The following PAX5 variants were observed in gnomAD, a reference collection of about 807,000 sequenced individuals.
PAX5 encodes the protein paired box 5, also known as paired box protein Pax-5.
In PAX5, 9 loss-of-function variants were observed where a neutral mutation model predicts 43.7. The ratio of observed to expected loss-of-function variants is 0.21; its 90% CI spans 0.12 to 0.36. The LOEUF (loss-of-function observed/expected upper bound fraction) is 0.36. Among genes scored for constraint, PAX5 ranks in the 10% least tolerant of loss-of-function variants. The pLI is 1.00. For missense variants in PAX5, 383 were observed against 532.7 expected (o/e 0.72, Z 2.77); for synonymous variants, 228 against 214.3 (o/e 1.06, Z -0.56).
chr9:36,979,019 C>T lies in PAX5; in HGVS notation c.605-12295G>A, dbSNP rs982684014. On this transcript the variant is annotated intron_variant, in intron 5 of 9. Coordinates refer to ENST00000358127, the MANE Select transcript of PAX5 (RefSeq NM_016734.3). ...AACATCATGCTTTAACTCATTGAAC[C>T]TATCAGGCCTGAGTTAATCTCACTG... 2.6e-5 allele frequency among the ~76,000 whole-genome samples: 4 copies of T among 152,288 alleles called. No individual in the cohort carries two copies. The East Asian group carries it at 7.7e-4, about 29-fold the overall frequency.
intron 6 of PAX5, among the ~76,000 whole-genome samples, chr9:36,955,609 T>C (rs956507006): frequency 2.6e-4 from 39 of 152,024 alleles, no homozygotes; most frequent in African/African-American, 8.9e-4. Context: ...AGACTACATC[T>C]TTTGTCTCAA....
At position 36,834,978 on chromosome 9, in the gene PAX5, G is replaced by A. The variant is rs780247272; in HGVS notation, c.*5582C>T. On this transcript the variant is annotated 3_prime_UTR_variant, in exon 10 of 10. Transcript: ENST00000358127. Reference sequence around the variant, plus strand: ...TCACCTGCTTCCCTCCCTGGGCCCCGATCAGCCACCGGAAGCTGATGGGTG... The same window carrying A: ...TCACCTGCTTCCCTCCCTGGGCCCCAATCAGCCACCGGAAGCTGATGGGTG... The A allele has an allele frequency of 2.2e-4, 51 of 233,320 alleles. No homozygotes were observed. Among genetic ancestry groups the A allele is most frequent in the Admixed American group, 7.9e-4 (14 of 17,794 alleles). The allele number at this position is 233,320 out of a possible 1,614,324, so 14.5% of individuals were successfully genotyped here.
intron 7 of PAX5, among the ~76,000 whole-genome samples, chr9:36,908,330 A>G (rs916460994): frequency 2.6e-5 from 4 of 151,840 alleles, no homozygotes; most frequent in African/African-American, 9.7e-5. Flanking sequence ...CCCAGACCCC[A>G]CAGAGAGAAG....
chr9:36,882,096 A>G lies in PAX5; in HGVS notation c.920T>C (p.Leu307Ser). ...QSYPIVTGRD[L>S]ASTTLPGYPP... Reference sequence around the variant, plus strand: ...GTACCCGGGGAGGGTCGTGCTCGCCAAGTCACGGCCTGAGGAATCAAAGCA... The same window carrying G: ...GTACCCGGGGAGGGTCGTGCTCGCCGAGTCACGGCCTGAGGAATCAAAGCA... Residue 307 changes from leucine to serine, a missense_variant, in exon 8 of 10, where the codon TTG becomes TCG. By Grantham distance (145) the Leu-to-Ser change is moderately radical. This residue lies in a region of PAX5 where 291 missense variants were observed against 342.5 expected (regional missense o/e 0.85). Transcript: ENST00000358127. The surrounding 1 kb of genome is among the most constrained non-coding windows in gnomAD (Gnocchi z 4.4). 1 of 1,595,250 alleles carries G rather than the reference A, an allele frequency of 6.3e-7. No homozygotes were observed. Among genetic ancestry groups the G allele is most frequent in the East Asian group, 2.3e-5 (1 of 44,134 alleles).
chr9:36,982,721 A>G (rs1836046533), intron 5 of PAX5, among the ~76,000 whole-genome samples: 2 of 152,188 alleles, frequency 1.3e-5, no homozygotes, highest in Admixed American at 1.3e-4. Context: ...CTTAGCACCC[A>G]TGGAGCGGGG....
rs926500999 is a variant in PAX5, at chr9:36,837,692, G to A, written c.*2868C>T. ...TGCATCCATGTGCGCTTGTGCTTCC[G>A]CCTGGCAGCCCAGGAGTCAAGTGGT... On this transcript the variant is annotated 3_prime_UTR_variant, in exon 10 of 10. Transcript: ENST00000358127. 45 of 233,320 alleles carry A rather than the reference G, an allele frequency of 1.9e-4. No individual in the cohort carries two copies. Among genetic ancestry groups the A allele is most frequent in the African/African-American group, 9.0e-4 (41 of 45,422 alleles). The allele number at this position is 233,320 out of a possible 1,614,324, so 14.5% of individuals were successfully genotyped here.
chr9:36,925,379 G>T lies in PAX5; in HGVS notation c.781-1895C>A, dbSNP rs76365503. Among the ~76,000 whole-genome samples, 1,157 of 152,240 alleles carry T rather than the reference G, an allele frequency of 7.6e-3. 8 individuals carry two copies. Among genetic ancestry groups the T allele is most frequent in the Non-Finnish European group, 0.013 (881 of 68,018 alleles). On this transcript the variant is annotated intron_variant, in intron 6 of 9. Coordinates refer to ENST00000358127, the MANE Select transcript of PAX5 (RefSeq NM_016734.3). ...CTAAGGGAGAAGAACAAGGCCAGGGGGACAGGCTTACCAGGCATCAGGAAT... is the reference window on the plus strand; with the variant it reads ...CTAAGGGAGAAGAACAAGGCCAGGGTGACAGGCTTACCAGGCATCAGGAAT...
At chr9:36,867,060 TGGG>T (rs964982948) in intron 8 of PAX5, among the ~76,000 whole-genome samples, 16 of 31,636 alleles carry the variant, frequency 5.1e-4, no homozygotes, top group South Asian at 1.2e-3. Flanking sequence ...GATGGGGTGG[TGGG>T]GGGGGGGCCT....
At chr9:36,843,373 T>G (rs926527103) in intron 9 of PAX5, among the ~76,000 whole-genome samples, 1 of 152,082 alleles carries the variant, frequency 6.6e-6, no homozygotes, top group African/African-American at 2.4e-5. Context: ...AGGCTGTGGG[T>G]TGGGGAGGCA....
At chr9:37,028,771 C>A (rs1047616508) in intron 1 of PAX5, among the ~76,000 whole-genome samples, 4 of 152,220 alleles carry the variant, frequency 2.6e-5, no homozygotes, top group Non-Finnish European at 5.9e-5. Flanking sequence ...CGCTGCAATG[C>A]GGCAGCTTCC....
At chr9:36,955,493 T>C (rs1019715374) in intron 6 of PAX5, among the ~76,000 whole-genome samples, 1 of 152,064 alleles carries the variant, frequency 6.6e-6, no homozygotes, top group African/African-American at 2.4e-5. Flanking sequence ...CTTCAGCTTG[T>C]GGGTAAAACT....
At chr9:36,996,856 G>A (rs1283291973) in intron 5 of PAX5, among the ~76,000 whole-genome samples, 1 of 152,174 alleles carries the variant, frequency 6.6e-6, no homozygotes, top group Non-Finnish European at 1.5e-5. Flanking sequence ...AAAGGAAATT[G>A]AATGAGTGAA....
At chr9:36,963,812 G>A (rs1174626370) in intron 6 of PAX5, among the ~76,000 whole-genome samples, 1 of 152,176 alleles carries the variant, frequency 6.6e-6, no homozygotes, top group Non-Finnish European at 1.5e-5. Context: ...CACTTGTGCT[G>A]CAGAGGCCAG....
rs117098638 is a variant in PAX5, at chr9:36,901,686, C to T, written c.911-19581G>A. ...GCCCAGCGCTGTCCGACCCCACGCC[C>T]TAAACACCTAATGGTGATGCTCTGT... On this transcript the variant is annotated intron_variant, in intron 7 of 9. Transcript: ENST00000358127. 2.9e-4 allele frequency among the ~76,000 whole-genome samples: 44 copies of T among 152,244 alleles called. No individual in the cohort carries two copies. The East Asian group carries it at 7.6e-3, about 26-fold the overall frequency.
rs1413984823 is a variant in PAX5, at chr9:36,901,917, G to A, written c.911-19812C>T. 2.6e-5 allele frequency among the ~76,000 whole-genome samples: 4 copies of A among 152,148 alleles called. No homozygotes were observed. The East Asian group carries it at 7.7e-4, about 29-fold the overall frequency. On this transcript the variant is annotated intron_variant, in intron 7 of 9. Coordinates refer to ENST00000358127, the MANE Select transcript of PAX5 (RefSeq NM_016734.3). ...TAGAGAGTGGTGCACATGCAAAGAAGGCATTAGCATACTTTCAGGGCTTGT... is the reference window on the plus strand; with the variant it reads ...TAGAGAGTGGTGCACATGCAAAGAAAGCATTAGCATACTTTCAGGGCTTGT...
intron 6 of PAX5, among the ~76,000 whole-genome samples, chr9:36,928,030 C>T (rs1041350839): frequency 1.3e-5 from 2 of 152,198 alleles, no homozygotes; most frequent in African/African-American, 4.8e-5. Context: ...TTCACCATAA[C>T]CACCTTGCAG....
chr9:36,938,007 T>C (rs944124515), intron 6 of PAX5, among the ~76,000 whole-genome samples: 2 of 152,244 alleles, frequency 1.3e-5, no homozygotes, highest in Non-Finnish European at 2.9e-5. Flanking sequence ...TTCTGGCTTC[T>C]AGAAAGATCA....
chr9:36,966,898 A>G (rs577298314), intron 5 of PAX5, among the ~76,000 whole-genome samples, 174 bp from the exon 6 acceptor site: 40 of 152,334 alleles, frequency 2.6e-4, no homozygotes, highest in African/African-American at 9.1e-4. Flanking sequence ...ACCTGCTGGT[A>G]AGTTCAGAGT....
intron 8 of PAX5, chr9:36,860,748 G>GCTAA (rs1824138364): frequency 6.6e-6 from 1 of 152,178 alleles, no homozygotes; most frequent in Admixed American, 6.5e-5. Context: ...GCCACCATAA[G>GCTAA]CTAACCACTG....
Sources: allele counts gnomAD v4.1 joint callset (sites outside exome capture counted in the v4.1 genomes callset), GRCh38; gene constraint gnomAD v4.1.1; regional missense constraint gnomAD v4.1.1; non-coding constraint Gnocchi (gnomAD v3.1); transcripts MANE v1.5; gene names NCBI Gene and HGNC (gene_info 2026-07-23, HGNC 2026-07-21).